The following ASTN2 variants were observed in gnomAD, a reference collection of about 807,000 sequenced individuals.
ASTN2 encodes astrotactin 2.
In ASTN2, 54 loss-of-function variants were observed where a neutral mutation model predicts 139.8. The observed-to-expected ratio is 0.39, with a 90% CI of 0.31 to 0.48. The LOEUF (loss-of-function observed/expected upper bound fraction) is 0.48. ASTN2 is among the 20% of genes least tolerant of loss of function. ASTN2 has a pLI of 0.95. For missense variants in ASTN2, 1,565 were observed against 1,725.1 expected, an observed-to-expected ratio of 0.91 and a Z score of 1.64; for synonymous variants, 756 against 719.5, an observed-to-expected ratio of 1.05 and a Z score of -0.81.
chr9:117,125,406 C>T (rs1268994076), intron 4 of ASTN2, among the ~76,000 whole-genome samples: 5 of 152,130 alleles, frequency 3.3e-5, no homozygotes, highest in Non-Finnish European at 7.4e-5. Flanking sequence ...TGCAGCTGCT[C>T]ATATTAGCAA....
intron 2 of ASTN2, among the ~76,000 whole-genome samples, chr9:117,253,653 A>C (rs1833601382): frequency 6.6e-6 from 1 of 152,188 alleles, no homozygotes; most frequent in South Asian, 2.1e-4. Context: ...TGCTCCATTT[A>C]AGAACAAGGA....
chr9:117,061,139 T>TTTTATTTA (rs71379255), intron 5 of ASTN2, among the ~76,000 whole-genome samples: 15,323 of 141,706 alleles, frequency 0.11, 887 homozygotes, highest in Middle Eastern at 0.14. Flanking sequence ...TACACCAGTC[T>TTTTATTTA]TTTATTTATT....
rs74957735 is a variant in ASTN2, at chr9:116,933,979, C to T, written c.1889+41229G>A. Among the ~76,000 whole-genome samples, 101 of 86,892 alleles carry T rather than the reference C, an allele frequency of 1.2e-3. 1 individual carries two copies. Among genetic ancestry groups the T allele is most frequent in the Middle Eastern group, 0.012 (2 of 166 alleles). 57.0% of individuals were successfully genotyped at this position (86,892 alleles called of 152,430 possible). The stretch of plus-strand genomic sequence containing the variant: ...ACCTCAGTTGTGCGAAGTGTTAGTC[C>T]TTTTTTTTTTTTTTTTTTTTTTTCT... On this transcript the variant is annotated intron_variant, in intron 10 of 22. Transcript: ENST00000313400.
intron 5 of ASTN2, among the ~76,000 whole-genome samples, chr9:117,046,409 A>T (rs564572159): frequency 5.6e-4 from 86 of 152,258 alleles, no homozygotes; most frequent in African/African-American, 1.9e-3. Flanking sequence ...TTCCTAATCT[A>T]AAAAAGGGTA....
At chr9:117,038,099 G>T (rs1028003069) in intron 6 of ASTN2, among the ~76,000 whole-genome samples, 39 of 152,098 alleles carry the variant, frequency 2.6e-4, no homozygotes, top group African/African-American at 9.4e-4. Context: ...TCTGCACTAC[G>T]GTGAAGTGGG....
intron 1 of ASTN2, among the ~76,000 whole-genome samples, chr9:117,322,768 T>C (rs999473224): frequency 6.6e-6 from 1 of 152,118 alleles, no homozygotes; most frequent in African/African-American, 2.4e-5. Flanking sequence ...TTGATGTGTA[T>C]GCCTGGGCCC....
intron 3 of ASTN2, among the ~76,000 whole-genome samples, chr9:117,162,200 T>A (rs577092462): frequency 6.6e-6 from 1 of 152,030 alleles, no homozygotes; most frequent in Non-Finnish European, 1.5e-5. Flanking sequence ...TTTGAAGAGA[T>A]GATTTATAGA....
intron 2 of ASTN2, among the ~76,000 whole-genome samples, chr9:117,254,361 C>T (rs1400102837): frequency 6.6e-6 from 1 of 152,138 alleles, no homozygotes; most frequent in Non-Finnish European, 1.5e-5. Flanking sequence ...ATTATTGATA[C>T]ATTTTCTTAA....
chr9:117,356,227 G>A (rs1391979917), intron 1 of ASTN2, among the ~76,000 whole-genome samples: 2 of 152,150 alleles, frequency 1.3e-5, no homozygotes, highest in South Asian at 2.1e-4. Context: ...ATAATCCAAA[G>A]CAAAAGTCTT....
intron 19 of ASTN2, among the ~76,000 whole-genome samples, chr9:116,504,888 C>G (rs1330192505): frequency 1.0e-5 from 1 of 98,282 alleles, no homozygotes; most frequent in Non-Finnish European, 1.9e-5. Context: ...CAAGTGAAAT[C>G]CTGTCTCAAA....
intron 1 of ASTN2, among the ~76,000 whole-genome samples, chr9:117,390,025 G>A (rs1221443176): frequency 6.6e-6 from 1 of 152,116 alleles, no homozygotes; most frequent in African/African-American, 2.4e-5. Context: ...GACAGCAGTG[G>A]CTCTCAACCC....
chr9:116,998,448 G>A (rs1837083478), intron 7 of ASTN2, among the ~76,000 whole-genome samples: 1 of 152,176 alleles, frequency 6.6e-6, no homozygotes, highest in Non-Finnish European at 1.5e-5. Context: ...TTTAGCCAGA[G>A]TGTTGTCAGC....
chr9:116,706,210 T>C (rs1414188662), intron 16 of ASTN2, among the ~76,000 whole-genome samples: 1 of 152,186 alleles, frequency 6.6e-6, no homozygotes, highest in Non-Finnish European at 1.5e-5. Context: ...TTCTGTCCTT[T>C]AAAAATTCTG....
At chr9:117,214,268 G>A in intron 3 of ASTN2, 90 bp downstream of exon 3, 4 of 1,448,672 alleles carry the variant, frequency 2.8e-6, no homozygotes, top group Non-Finnish European at 3.7e-6. Context: ...AGAAAACACT[G>A]CCTGTAGTCC....
Position 117,069,198 on chromosome 9 carries a change from G to T in ASTN2, c.1276+26846C>A, listed in dbSNP as rs978542573. Among the ~76,000 whole-genome samples, 8 of 83,950 alleles carry T rather than the reference G, an allele frequency of 9.5e-5. 1 individual carries two copies. Among genetic ancestry groups the T allele is most frequent in the African/African-American group, 3.8e-4 (7 of 18,490 alleles). 55.1% of individuals were successfully genotyped at this position (83,950 alleles called of 152,430 possible). ...GCTTTGAATGCGTCCCAGAGATTCTGGTATGTTGTGTCTTTGTTCTCGTTG... is the reference window on the plus strand; with the variant it reads ...GCTTTGAATGCGTCCCAGAGATTCTTGTATGTTGTGTCTTTGTTCTCGTTG... On this transcript the variant is annotated intron_variant, in intron 5 of 22. Transcript: ENST00000313400.
intron 1 of ASTN2, among the ~76,000 whole-genome samples, chr9:117,363,733 T>C (rs1256175718): frequency 6.6e-6 from 1 of 152,040 alleles, no homozygotes; most frequent in Non-Finnish European, 1.5e-5. Context: ...ATAAAACAGG[T>C]CTGTTATCAG....
chr9:116,731,440 G>C (rs1828781771), intron 14 of ASTN2, among the ~76,000 whole-genome samples: 2 of 151,550 alleles, frequency 1.3e-5, no homozygotes, highest in African/African-American at 2.4e-5. Context: ...TTTTGTTTTT[G>C]AGACAGAGTT....
At chr9:116,686,889 C>A in intron 16 of ASTN2, 1 of 1,527,174 alleles carries the variant, frequency 6.5e-7, no homozygotes, top group South Asian at 1.2e-5. Context: ...AGTCCCGGTT[C>A]TCGACTTCCC....
intron 20 of ASTN2, among the ~76,000 whole-genome samples, chr9:116,483,520 A>T (rs747508682): frequency 6.6e-6 from 1 of 152,188 alleles, no homozygotes; most frequent in Non-Finnish European, 1.5e-5. Context: ...TAGGACCAAG[A>T]AACTGAGATA....
Sources: gnomAD v4.1 joint callset for allele counts (sites outside exome capture counted in the v4.1 genomes callset) on GRCh38, gnomAD v4.1.1 for gene constraint, MANE v1.5 for transcripts, NCBI Gene and HGNC (gene_info 2026-07-23, HGNC 2026-07-21) for gene names.